The following ANTXR1 variants were observed in gnomAD, a reference collection of about 807,000 sequenced individuals.
ANTXR1 encodes ANTXR cell adhesion molecule 1.
A neutral mutation model predicts 78.1 loss-of-function variants in ANTXR1; 19 were observed. The observed-to-expected ratio is 0.24, with a 90% CI of 0.17 to 0.36. The LOEUF (loss-of-function observed/expected upper bound fraction) is 0.36. Among genes scored for constraint, ANTXR1 ranks in the 10% least tolerant of loss-of-function variants. The probability of loss-of-function intolerance (pLI) is 1.00; values close to 1 mark genes in which losing one functional copy is unlikely to be tolerated. For missense variants in ANTXR1, 518 were observed against 718.6 expected, an observed-to-expected ratio of 0.72 and a Z score of 3.19; for synonymous variants, 273 against 260.5, an observed-to-expected ratio of 1.05 and a Z score of -0.46.
rs1007334796 is a variant in ANTXR1 at position 69,246,951 on chromosome 2, A to G, written c.*1466A>G. On this transcript the variant is annotated 3_prime_UTR_variant, in exon 18 of 18. Transcript: ENST00000303714. ...GAACAAGGCAGAATATAAAATAAAT[A>G]TACATTTAGTGGCTTGGGCTATGGT... 1 of 152,328 alleles carries G rather than the reference A, an allele frequency of 6.6e-6. No homozygotes were observed. Among genetic ancestry groups the G allele is most frequent in the South Asian group, 2.1e-4 (1 of 4,828 alleles). 9.4% of individuals were successfully genotyped at this position (152,328 alleles called of 1,614,324 possible). A position where few individuals can be genotyped will look rare whatever the true frequency, so the allele number is the denominator to read the frequency against.
chr2:69,191,195 G>A (rs749109496), intron 16 of ANTXR1, among the ~76,000 whole-genome samples: 8 of 152,146 alleles, frequency 5.3e-5, no homozygotes, highest in South Asian at 2.1e-4. Flanking sequence ...TTTTCAAGGC[G>A]TTTGTAAATT....
Position 69,181,798 on chromosome 2 carries a change from G to T in ANTXR1, c.1102G>T (p.Asp368Tyr), listed in dbSNP as rs1238867164. ...PAEESEEEDD[D>Y]GLPKKKWPTV... ...AATTTCTCTGCAGGAAGAAGATGAT[G>T]ATGGTCTGCCTAAGAAAAAGTGGCC... Residue 368 changes from aspartate (D) to tyrosine (Y), a missense_variant, in exon 15 of 18, where the codon GAT (aspartate) becomes TAT (tyrosine). Asp to Tyr is a radical substitution (Grantham distance 160). Around this residue, in one of 5 missense-constraint regions of ANTXR1, gnomAD observed 264 missense variants for 391.8 expected, o/e 0.67. Transcript: ENST00000303714. 2 of 1,614,118 alleles carry T rather than the reference G, an allele frequency of 1.2e-6. No homozygotes were observed. Among genetic ancestry groups the T allele is most frequent in the East Asian group, 2.2e-5 (1 of 44,876 alleles).
chr2:69,183,639 A>C (rs1674340807), intron 16 of ANTXR1, among the ~76,000 whole-genome samples: 1 of 79,200 alleles, frequency 1.3e-5, no homozygotes, highest in African/African-American at 7.2e-5. Context: ...CCTGTCTTGC[A>C]CTCCTGATAA....
chr2:69,189,697 G>A lies in ANTXR1; in HGVS notation c.1354-3638G>A, dbSNP rs73934786. 7.5e-3 allele frequency among the ~76,000 whole-genome samples: 1,149 copies of A among 152,276 alleles called. 22 individuals are homozygous for A. Among genetic ancestry groups the A allele is most frequent in the African/African-American group, 0.025 (1,042 of 41,558 alleles). Reference sequence around the variant, plus strand: ...GAGCTGCTACAGAGAGAACATTAACGAGACACGGTTGATGTTGGACATGAG... The same window carrying A: ...GAGCTGCTACAGAGAGAACATTAACAAGACACGGTTGATGTTGGACATGAG... On this transcript the variant is annotated intron_variant, in intron 16 of 17. Coordinates refer to ENST00000303714, the MANE Select transcript of ANTXR1 (RefSeq NM_032208.3).
At chr2:69,090,651 T>A (rs898508248) in intron 8 of ANTXR1, 1 of 611,836 alleles carries the variant, frequency 1.6e-6, no homozygotes, top group Non-Finnish European at 2.9e-6. Context: ...CTTAGGGCTT[T>A]TAGGATACCC....
chr2:69,083,658 C>T (rs532620441), intron 8 of ANTXR1, among the ~76,000 whole-genome samples: 1 of 152,240 alleles, frequency 6.6e-6, no homozygotes, highest in Non-Finnish European at 1.5e-5. Context: ...TATAAAGCAA[C>T]CCAGAGTACC....
chr2:69,076,709 C>T (rs1670743552), intron 7 of ANTXR1, among the ~76,000 whole-genome samples: 1 of 152,168 alleles, frequency 6.6e-6, no homozygotes, highest in African/African-American at 2.4e-5. Context: ...TTTTAACTCT[C>T]CTGGATTTTC....
chr2:69,238,904 C>T (rs1186415962), intron 17 of ANTXR1, among the ~76,000 whole-genome samples: 1 of 152,198 alleles, frequency 6.6e-6, no homozygotes, highest in South Asian at 2.1e-4. Flanking sequence ...CAAAGTCCAG[C>T]TCCCTCTCCA....
At chr2:69,186,808 C>A (rs900799902) in intron 16 of ANTXR1, among the ~76,000 whole-genome samples, 2 of 152,348 alleles carry the variant, frequency 1.3e-5, no homozygotes, top group South Asian at 4.1e-4. Flanking sequence ...CCCTGCAAAT[C>A]CTTGGCTCTT....
chr2:69,214,563 G>C (rs1675131474), intron 17 of ANTXR1, among the ~76,000 whole-genome samples: 1 of 152,170 alleles, frequency 6.6e-6, no homozygotes, highest in Non-Finnish European at 1.5e-5. Context: ...CCCCCAGCTA[G>C]GCTAAACTCC....
intron 17 of ANTXR1, among the ~76,000 whole-genome samples, chr2:69,236,543 G>A (rs138685993): frequency 1.8e-3 from 269 of 152,188 alleles, no homozygotes; most frequent in Middle Eastern, 0.014. Context: ...TTGGAACTAT[G>A]AATGAATATC....
At chr2:69,183,952 G>A (rs1230179738) in intron 16 of ANTXR1, among the ~76,000 whole-genome samples, 1 of 152,002 alleles carries the variant, frequency 6.6e-6, no homozygotes, top group Non-Finnish European at 1.5e-5. Flanking sequence ...CCCCAACTCA[G>A]GGCTACAGAC....
chr2:69,029,066 A>C (rs577425152), intron 1 of ANTXR1, among the ~76,000 whole-genome samples: 2 of 148,142 alleles, frequency 1.4e-5, no homozygotes, highest in South Asian at 4.6e-4. Flanking sequence ...TCTCTACTAA[A>C]AATACAAAAA....
chr2:69,141,556 G>A lies in ANTXR1; in HGVS notation c.952-10613G>A, dbSNP rs780662030. Among the ~76,000 whole-genome samples, 10 of 152,126 alleles carry A rather than the reference G, an allele frequency of 6.6e-5. No individual in the cohort carries two copies. The East Asian group carries it at 1.2e-3, about 18-fold the overall frequency. ...CGTGAGTGAGTCTGTCTCGGGTCTC[G>A]ACAATTAGCAATTGTGTGACAGTCA... On this transcript the variant is annotated intron_variant, in intron 12 of 17. Coordinates refer to ENST00000303714, the MANE Select transcript of ANTXR1 (RefSeq NM_032208.3).
chr2:69,235,834 A>T (rs1675750382), intron 17 of ANTXR1, among the ~76,000 whole-genome samples: 1 of 152,004 alleles, frequency 6.6e-6, no homozygotes, highest in Admixed American at 6.6e-5. Context: ...ATACTGCTAT[A>T]AAGAACTACC....
intron 17 of ANTXR1, among the ~76,000 whole-genome samples, chr2:69,215,528 G>A (rs1417012455): frequency 1.3e-5 from 2 of 152,156 alleles, no homozygotes; most frequent in East Asian, 1.9e-4. Flanking sequence ...GACATCATCT[G>A]GTTTATTCAC....
rs1401248077 is a variant in ANTXR1 at position 69,193,368 on chromosome 2, A to C, written c.1387A>C (p.Lys463Gln). Residue 463 changes from lysine (K) to glutamine (Q), a missense_variant, in exon 17 of 18, where the codon AAA becomes CAA. Coordinates refer to ENST00000303714, the MANE Select transcript of ANTXR1 (RefSeq NM_032208.3). ...CGATGCCTTGTGGGTCCTACTGAGG[A>C]AAGGATATGATCGTGTGTCTGTGAT... is the stretch of plus-strand genomic sequence containing the variant. ...KLDALWVLLR[K>Q]GYDRVSVMRP... 12 of 1,613,696 alleles carry C rather than the reference A, an allele frequency of 7.4e-6. No individual in the cohort carries two copies. Among genetic ancestry groups the C allele is most frequent in the Non-Finnish European group, 1.0e-5 (12 of 1,179,888 alleles).
At chr2:69,185,504 C>T (rs185234960) in intron 16 of ANTXR1, among the ~76,000 whole-genome samples, 1 of 150,366 alleles carries the variant, frequency 6.7e-6, no homozygotes, top group Non-Finnish European at 1.5e-5. Context: ...TGTGCCATTG[C>T]ACTCCAGCCT....
chr2:69,215,059 A>G (rs1675142602), intron 17 of ANTXR1, among the ~76,000 whole-genome samples: 1 of 152,130 alleles, frequency 6.6e-6, no homozygotes, highest in South Asian at 2.1e-4. Flanking sequence ...TACAGGACGC[A>G]TGGATGGGCG....
Sources: gnomAD v4.1 joint callset for allele counts (sites outside exome capture counted in the v4.1 genomes callset) on GRCh38, gnomAD v4.1.1 for gene constraint, gnomAD v4.1.1 regional missense constraint, MANE v1.5 for transcripts, NCBI Gene and HGNC (gene_info 2026-07-23, HGNC 2026-07-21) for gene names.